TTC28: variants seen among roughly 807,000 people sequenced by gnomAD.
TTC28 encodes the protein tetratricopeptide repeat protein 28.
In TTC28, 61 loss-of-function variants were observed where a neutral mutation model predicts 198.0. The observed-to-expected ratio is 0.31, with a 90% CI of 0.25 to 0.38. The LOEUF (loss-of-function observed/expected upper bound fraction) is 0.38, where lower values mean the gene tolerates loss of function less well. Ranked by LOEUF, TTC28 falls within the 10% of genes least tolerant of loss-of-function variation. The pLI, the probability that TTC28 is intolerant of heterozygous loss-of-function variation, is 1.00. For missense variants in TTC28, 2,678 were observed against 3,164.0 expected (o/e 0.85, Z 3.69); for synonymous variants, 1,171 against 1,297.8 (o/e 0.90, Z 2.10).
At chr22:28,493,199 T>C (rs990234390) in intron 2 of TTC28, among the ~76,000 whole-genome samples, 1 of 151,894 alleles carries the variant, frequency 6.6e-6, no homozygotes, top group African/African-American at 2.4e-5. Flanking sequence ...CTACTAAATA[T>C]ACAAAAATTA....
In TTC28 at chr22:28,629,576, T is replaced by A; in HGVS notation, c.357A>T (p.Arg119=). Reference sequence around the variant, plus strand: ...CCTTTGGCCACTTGGGATTGAGAAGTCGAGCTTTGATTGCATCATCCAGTG... The same window carrying A: ...CCTTTGGCCACTTGGGATTGAGAAGACGAGCTTTGATTGCATCATCCAGTG... ...DKALDDAIKA[R]LLNPKWPKAY... The change falls in exon 2 of 23, where the codon CGA becomes CGT. Residue 119 remains arginine (R), a synonymous_variant. Coordinates refer to ENST00000397906, the MANE Select transcript of TTC28 (RefSeq NM_001145418.2). 1 of 1,551,204 alleles carries A rather than the reference T, an allele frequency of 6.4e-7. No individual in the cohort carries two copies. The highest frequency in any genetic ancestry group is 8.7e-7 in the Non-Finnish European group (1 of 1,146,760).
intron 2 of TTC28, among the ~76,000 whole-genome samples, chr22:28,547,362 G>A (rs1464136890): frequency 2.6e-5 from 4 of 152,102 alleles, no homozygotes; most frequent in South Asian, 2.1e-4. Context: ...ATTTAAGCAC[G>A]AATCATCCTC....
intron 2 of TTC28, among the ~76,000 whole-genome samples, chr22:28,615,510 T>C (rs1004500685): frequency 1.3e-5 from 2 of 152,192 alleles, no homozygotes; most frequent in African/African-American, 4.8e-5. Flanking sequence ...GTATGTTTAT[T>C]GCAGCACTAT....
At chr22:28,233,389 T>C (rs1928963957) in intron 5 of TTC28, among the ~76,000 whole-genome samples, 1 of 152,206 alleles carries the variant, frequency 6.6e-6, no homozygotes, top group Non-Finnish European at 1.5e-5. Flanking sequence ...CAGGGAGATA[T>C]CTCTATACCT....
At chr22:28,452,156 A>C (rs933744508) in intron 2 of TTC28, among the ~76,000 whole-genome samples, 1 of 152,002 alleles carries the variant, frequency 6.6e-6, no homozygotes, top group African/African-American at 2.4e-5. Flanking sequence ...TTGGGAGGCC[A>C]AGGTGGGCGG....
At chr22:28,157,382 T>C (rs1175870421) in intron 6 of TTC28, among the ~76,000 whole-genome samples, 1 of 152,170 alleles carries the variant, frequency 6.6e-6, no homozygotes, top group Non-Finnish European at 1.5e-5. Flanking sequence ...GAGGAACTAA[T>C]ACCAATCCTA....
intron 2 of TTC28, among the ~76,000 whole-genome samples, chr22:28,620,984 A>T (rs532587777): frequency 6.6e-6 from 1 of 152,210 alleles, no homozygotes; most frequent in Non-Finnish European, 1.5e-5. Flanking sequence ...TCTTAAAAAC[A>T]TATTTAAAGA....
At chr22:28,451,046 G>A (rs896347781) in intron 2 of TTC28, among the ~76,000 whole-genome samples, 3 of 152,188 alleles carry the variant, frequency 2.0e-5, no homozygotes, top group Non-Finnish European at 4.4e-5. Flanking sequence ...TACAGAATTG[G>A]AGCGGGCTAC....
chr22:28,632,105 A>T (rs1055768645), intron 1 of TTC28, among the ~76,000 whole-genome samples: 1 of 152,184 alleles, frequency 6.6e-6, no homozygotes, highest in South Asian at 2.1e-4. Flanking sequence ...AAAATTCCCC[A>T]AAGAAAGGAA....
In TTC28 at chr22:28,299,151, G is replaced by C. The variant is rs116614828; in HGVS notation, c.530-1299C>G. Among the ~76,000 whole-genome samples, 1,458 of 151,596 alleles carry C rather than the reference G, an allele frequency of 9.6e-3. 25 individuals are homozygous for C. Among genetic ancestry groups the C allele is most frequent in the African/African-American group, 0.033 (1,359 of 41,314 alleles). Reference sequence around the variant, plus strand: ...TAAAGACAAGTGCAGAGTTATTAATGATAGCCCTACAATGAGATGGCACTT... The same window carrying C: ...TAAAGACAAGTGCAGAGTTATTAATCATAGCCCTACAATGAGATGGCACTT... On this transcript the variant is annotated intron_variant, in intron 3 of 22. Transcript: ENST00000397906.
chr22:28,029,284 C>T (rs1313222827), intron 13 of TTC28, among the ~76,000 whole-genome samples: 1 of 152,202 alleles, frequency 6.6e-6, no homozygotes, highest in East Asian at 1.9e-4. Flanking sequence ...AAAGTCAACA[C>T]ACATTTGTCA....
At chr22:28,500,339 T>A (rs2048519101) in intron 2 of TTC28, among the ~76,000 whole-genome samples, 1 of 152,224 alleles carries the variant, frequency 6.6e-6, no homozygotes, top group African/African-American at 2.4e-5. Flanking sequence ...AAGGTTCACC[T>A]ACCTTTTAGC....
intron 2 of TTC28, among the ~76,000 whole-genome samples, chr22:28,623,872 T>A (rs1013778855): frequency 6.6e-6 from 1 of 151,900 alleles, no homozygotes; most frequent in Non-Finnish European, 1.5e-5. Context: ...TCAAAATTTG[T>A]AAGATGCAGC....
At chr22:28,403,186 C>T (rs2046944169) in intron 2 of TTC28, among the ~76,000 whole-genome samples, 1 of 152,180 alleles carries the variant, frequency 6.6e-6, no homozygotes, top group South Asian at 2.1e-4. Context: ...GAATACAGAA[C>T]ATGATCACCA....
intron 12 of TTC28, among the ~76,000 whole-genome samples, chr22:28,044,035 C>T (rs557847923): frequency 1.3e-5 from 2 of 152,284 alleles, no homozygotes; most frequent in South Asian, 2.1e-4. Context: ...CTGGTTCAAA[C>T]CCACTGTAGG....
intron 12 of TTC28, among the ~76,000 whole-genome samples, chr22:28,086,030 A>G (rs1941581458): frequency 6.6e-6 from 1 of 152,174 alleles, no homozygotes; most frequent in South Asian, 2.1e-4. Flanking sequence ...TCAGTGACCT[A>G]CAAAGAGACT....
intron 5 of TTC28, among the ~76,000 whole-genome samples, chr22:28,241,663 T>A (rs1223567973): frequency 6.6e-6 from 1 of 152,122 alleles, no homozygotes; most frequent in Non-Finnish European, 1.5e-5. Context: ...AATTATTGAA[T>A]CTGGGTAAAG....
chr22:28,552,489 C>T (rs2049692740), intron 2 of TTC28, among the ~76,000 whole-genome samples: 1 of 152,070 alleles, frequency 6.6e-6, no homozygotes, highest in African/African-American at 2.4e-5. Flanking sequence ...TACTATAAGG[C>T]CATAGTCACC....
intron 12 of TTC28, among the ~76,000 whole-genome samples, chr22:28,064,566 A>G (rs1338223492): frequency 6.6e-6 from 1 of 152,206 alleles, no homozygotes; most frequent in African/African-American, 2.4e-5. Context: ...TAATAAAGGT[A>G]AAGTGAGATA....
Sources: gnomAD v4.1 joint callset for allele counts (sites outside exome capture counted in the v4.1 genomes callset) on GRCh38, gnomAD v4.1.1 for gene constraint, MANE v1.5 for transcripts, NCBI Gene and HGNC (gene_info 2026-07-23, HGNC 2026-07-21) for gene names.